ITK: variants seen among roughly 807,000 people sequenced by gnomAD.
ITK encodes IL2 inducible T cell kinase.
In ITK, 45 loss-of-function variants were observed where a neutral mutation model predicts 87.6. The ratio of observed to expected loss-of-function variants is 0.51; its 90% CI spans 0.40 to 0.66. The LOEUF is 0.66. Among genes scored for constraint, ITK ranks in the 30% least tolerant of loss-of-function variants. ITK has a pLI of 0.00. For synonymous variants in ITK, 303 were observed against 273.6 expected, an observed-to-expected ratio of 1.11 and a Z score of -1.06; for missense variants, 605 against 766.3, an observed-to-expected ratio of 0.79 and a Z score of 2.48.
chr5:157,227,606 GA>G (rs1433197496), intron 6 of ITK, among the ~76,000 whole-genome samples: 1 of 151,902 alleles, frequency 6.6e-6, no homozygotes, highest in Non-Finnish European at 1.5e-5. Flanking sequence ...TACTAAAGTG[GA>G]AAAAATGTTG....
At chr5:157,239,977 T>C (rs1754855010) in intron 9 of ITK, 85 bp from the exon 10 acceptor site, 1 of 1,327,910 alleles carries the variant, frequency 7.5e-7, no homozygotes, top group African/African-American at 1.5e-5. Context: ...AAGACAAAGA[T>C]AATAAGAACT....
intron 8 of ITK, 87 bp downstream of exon 8, chr5:157,232,481 C>T: frequency 5.4e-6 from 5 of 934,122 alleles, no homozygotes; most frequent in Non-Finnish European, 8.6e-6. Flanking sequence ...ATTTGGCAGG[C>T]CAAGGTGGGA....
At chr5:157,210,221 A>G (rs1389494018) in intron 2 of ITK, among the ~76,000 whole-genome samples, 1 of 152,110 alleles carries the variant, frequency 6.6e-6, no homozygotes, top group Non-Finnish European at 1.5e-5. Flanking sequence ...GGGTATCTTT[A>G]AAGTCCTTGT....
At chr5:157,187,803 CT>C (rs375439519) in intron 1 of ITK, among the ~76,000 whole-genome samples, 2,853 of 147,508 alleles carry the variant, frequency 0.019, 83 homozygotes, top group African/African-American at 0.066. Context: ...AGATAATATT[CT>C]TTTTTTTTTT....
In ITK at chr5:157,189,857, C is replaced by T. The variant is rs369986035; in HGVS notation, c.138+8742C>T. On this transcript the variant is annotated intron_variant, in intron 1 of 16. Coordinates refer to ENST00000422843, the MANE Select transcript of ITK (RefSeq NM_005546.4). ...CCTCATTCCACCCTCATTTTCTTAACGAACTAATAATACATTCCTCCCATT... is the reference window on the plus strand; with the variant it reads ...CCTCATTCCACCCTCATTTTCTTAATGAACTAATAATACATTCCTCCCATT... 1.8e-4 allele frequency among the ~76,000 whole-genome samples: 27 copies of T among 152,276 alleles called. No homozygotes were observed. The East Asian group carries it at 4.6e-3, about 26-fold the overall frequency.
In ITK at chr5:157,180,886, G is replaced by C; in HGVS notation, c.-92G>C. On this transcript the variant is annotated 5_prime_UTR_variant, in exon 1 of 17. Transcript: ENST00000422843. ...TTGAGCAGCTCTCTGAAGATCAACT[G>C]CCTCCACATTGCATTCTTTGCCCCA... 8.0e-7 allele frequency: 1 copy of C among 1,256,814 alleles called. No homozygotes were observed. Among genetic ancestry groups the C allele is most frequent in the Non-Finnish European group, 1.2e-6 (1 of 861,724 alleles). 77.9% of individuals were successfully genotyped at this position (1,256,814 alleles called of 1,614,324 possible). A position where few individuals can be genotyped will look rare whatever the true frequency, so the allele number is the denominator to read the frequency against.
At chr5:157,225,252 C>T (rs1030767420) in intron 6 of ITK, among the ~76,000 whole-genome samples, 1 of 152,122 alleles carries the variant, frequency 6.6e-6, no homozygotes. Context: ...GCTTTAGCCT[C>T]CCAAAGTAGT....
intron 1 of ITK, among the ~76,000 whole-genome samples, chr5:157,181,916 A>T (rs971942760): frequency 6.6e-6 from 1 of 152,248 alleles, no homozygotes; most frequent in Non-Finnish European, 1.5e-5. Flanking sequence ...TAGAAAAAGC[A>T]TTGGACAAAG....
rs1755198515 is a variant in ITK, at chr5:157,253,837, A to C, written c.*1159A>C. ...TCAGGCACTGACTGGGGTGCTTCCAAGAGGCATGAGAGTGCCTACTCTGGC... is the reference window on the plus strand; with the variant it reads ...TCAGGCACTGACTGGGGTGCTTCCACGAGGCATGAGAGTGCCTACTCTGGC... On this transcript the variant is annotated 3_prime_UTR_variant, in exon 17 of 17. Coordinates refer to ENST00000422843, the MANE Select transcript of ITK (RefSeq NM_005546.4). 4.5e-6 allele frequency: 1 copy of C among 222,076 alleles called. No homozygotes were observed. Among genetic ancestry groups the C allele is most frequent in the South Asian group, 1.8e-4 (1 of 5,454 alleles). 13.8% of individuals were successfully genotyped at this position (222,076 alleles called of 1,614,324 possible). A position where few individuals can be genotyped will look rare whatever the true frequency, so the allele number is the denominator to read the frequency against.
At chr5:157,247,988 A>G (rs1264341060) in intron 15 of ITK, among the ~76,000 whole-genome samples, 1 of 152,238 alleles carries the variant, frequency 6.6e-6, no homozygotes, top group Non-Finnish European at 1.5e-5. Flanking sequence ...ATTTAGGGTC[A>G]GGTTCTGAAT....
At position 157,245,739 on chromosome 5, in the gene ITK, G is replaced by A; in HGVS notation, c.1463G>A (p.Cys488Tyr). ...TCTCCTCTCCAGGCTGCCAGAAATTGTTTGGTGGGAGAAAACCAAGTCATC... is the reference window on the plus strand; with the variant it reads ...TCTCCTCTCCAGGCTGCCAGAAATTATTTGGTGGGAGAAAACCAAGTCATC... ...VIHRDLAARN[C>Y]LVGENQVIKV... is the part of the protein sequence containing the mutation. The change falls in exon 14 of 17, where the codon TGT becomes TAT. Residue 488 changes from cysteine (C) to tyrosine (Y), a missense_variant. By Grantham distance (194) the Cys-to-Tyr change is radical. This residue lies in a region of ITK where 70 missense variants were observed against 122.5 expected (regional missense o/e 0.57). Coordinates refer to ENST00000422843, the MANE Select transcript of ITK (RefSeq NM_005546.4). The A allele has an allele frequency of 6.2e-7, 1 of 1,614,180 alleles. No homozygotes were observed. The highest frequency in any genetic ancestry group is 8.5e-7 in the Non-Finnish European group (1 of 1,180,016).
intron 1 of ITK, among the ~76,000 whole-genome samples, chr5:157,187,075 C>T (rs535659628): frequency 1.6e-4 from 25 of 152,356 alleles, no homozygotes; most frequent in African/African-American, 5.8e-4. Flanking sequence ...TTTTCTTCAA[C>T]GTTAAAGCCT....
At chr5:157,209,099 G>A in intron 2 of ITK, 106 bp downstream of exon 2, 2 of 783,238 alleles carry the variant, frequency 2.6e-6, no homozygotes. Flanking sequence ...ACTTTGGGAG[G>A]TTGAGGCAGG....
At chr5:157,218,242 C>T (rs970777460) in intron 5 of ITK, among the ~76,000 whole-genome samples, 4 of 152,118 alleles carry the variant, frequency 2.6e-5, no homozygotes, top group Admixed American at 1.3e-4. Context: ...TGGTGGCTCA[C>T]GTCTGTAATC....
intron 1 of ITK, among the ~76,000 whole-genome samples, chr5:157,190,776 C>T (rs921143909): frequency 4.6e-5 from 7 of 152,044 alleles, no homozygotes; most frequent in Admixed American, 6.6e-5. Context: ...AGTACAAAGA[C>T]CCTGAGGAAG....
intron 3 of ITK, among the ~76,000 whole-genome samples, chr5:157,213,118 G>C (rs1754224044): frequency 6.6e-6 from 1 of 152,132 alleles, no homozygotes; most frequent in African/African-American, 2.4e-5. Context: ...GTATGGCTGG[G>C]AGGCCTCAGG....
chr5:157,189,755 A>G (rs1753716017), intron 1 of ITK, among the ~76,000 whole-genome samples: 1 of 152,242 alleles, frequency 6.6e-6, no homozygotes, highest in African/African-American at 2.4e-5. Flanking sequence ...AGACATGTAA[A>G]TATCAAACGT....
chr5:157,224,469 A>C (rs562319615), intron 6 of ITK: 1 of 151,980 alleles, frequency 6.6e-6, no homozygotes, highest in African/African-American at 2.4e-5. Flanking sequence ...ATGCAAATCT[A>C]CCTCATTTTT....
At chr5:157,193,645 C>A (rs570328584) in intron 1 of ITK, among the ~76,000 whole-genome samples, 1 of 152,068 alleles carries the variant, frequency 6.6e-6, no homozygotes, top group Non-Finnish European at 1.5e-5. Context: ...ACATATAGGA[C>A]GAATATTAAA....
Sources: allele counts gnomAD v4.1 joint callset (sites outside exome capture counted in the v4.1 genomes callset), GRCh38; gene constraint gnomAD v4.1.1; regional missense constraint gnomAD v4.1.1; transcripts MANE v1.5; gene names NCBI Gene and HGNC (gene_info 2026-07-23, HGNC 2026-07-21).